The following HHIPL1 variants were observed in gnomAD, a reference collection of about 807,000 sequenced individuals.
The protein encoded by HHIPL1 is HHIP like 1.
In HHIPL1, 43 loss-of-function variants were observed where a neutral mutation model predicts 61.8. The ratio of observed to expected loss-of-function variants is 0.70; its 90% CI spans 0.55 to 0.90. HHIPL1 has a LOEUF of 0.90. HHIPL1 is among the 40% of genes least tolerant of loss of function. HHIPL1 has a pLI of 0.00. For synonymous variants in HHIPL1, 482 were observed against 515.8 expected (o/e 0.93, Z 0.89); for missense variants, 1,056 against 1,157.7 (o/e 0.91, Z 1.28).
At chr14:99,618,940 GA>G in the HHIPL1 span, among the ~76,000 whole-genome samples, 1 of 152,214 alleles carries the variant, frequency 6.6e-6, no homozygotes, top group East Asian at 1.9e-4. Flanking sequence ...AAGCCCTGCA[GA>G]AACATCGTGC....
Position 99,675,053 on chromosome 14 carries a change from C to A in HHIPL1, c.1814-38C>A. 9.0e-7 allele frequency: 1 copy of A among 1,107,426 alleles called. No individual in the cohort carries two copies. Among genetic ancestry groups the A allele is most frequent in the Non-Finnish European group, 1.1e-6 (1 of 893,480 alleles). 68.6% of individuals were successfully genotyped at this position (1,107,426 alleles called of 1,614,324 possible). On this transcript the variant is annotated intron_variant, in intron 8 of 8. Transcript: ENST00000330710. This position sits in a 1 kb window ranked among gnomAD's most constrained non-coding sequence, Gnocchi z 5.4. ...TGGGCAGCAGGGCTGGACAGGGGCG[C>A]CTGGGTCCCTCTGACGGCATACTCT...
the HHIPL1 span, chr14:99,625,424 T>C: frequency 6.6e-6 from 1 of 152,230 alleles, no homozygotes; most frequent in African/African-American, 2.4e-5. Flanking sequence ...AGAATACTAA[T>C]AATAGTTGTC....
At chr14:99,649,512 C>T (rs1481928876) in intron 1 of HHIPL1, among the ~76,000 whole-genome samples, 2 of 152,254 alleles carry the variant, frequency 1.3e-5, no homozygotes, top group South Asian at 2.1e-4. Context: ...GGAGTCAAGC[C>T]GTGTACGGTG....
chr14:99,608,463 A>G, the HHIPL1 span, among the ~76,000 whole-genome samples: 3 of 152,190 alleles, frequency 2.0e-5, no homozygotes, highest in African/African-American at 7.2e-5. Context: ...GTTTGCCTCC[A>G]AGAAGCTCAG....
At chr14:99,671,979 T>A (rs10145742) in intron 7 of HHIPL1, among the ~76,000 whole-genome samples, 1 of 152,142 alleles carries the variant, frequency 6.6e-6, no homozygotes, top group Non-Finnish European at 1.5e-5. Context: ...CGGCAGGCTG[T>A]GGGAGGAGAG....
intron 6 of HHIPL1, among the ~76,000 whole-genome samples, chr14:99,667,931 G>A (rs929606691): frequency 6.6e-6 from 1 of 152,180 alleles, no homozygotes. Flanking sequence ...GTGGCGCTGG[G>A]TCACCGGGAA....
chr14:99,607,988 T>A, the HHIPL1 span, among the ~76,000 whole-genome samples: 1 of 152,148 alleles, frequency 6.6e-6, no homozygotes, highest in East Asian at 1.9e-4. Flanking sequence ...AACACATCAT[T>A]GTGGGAGCAT....
At chr14:99,649,774 T>TGACAGTCTA (rs2055896923) in intron 1 of HHIPL1, among the ~76,000 whole-genome samples, 1 of 152,236 alleles carries the variant, frequency 6.6e-6, no homozygotes, top group Non-Finnish European at 1.5e-5. Flanking sequence ...CTAGCCTGGA[T>TGACAGTCTA]GACAGAGAGA....
At chr14:99,632,662 C>T in the HHIPL1 span, among the ~76,000 whole-genome samples, 2 of 152,172 alleles carry the variant, frequency 1.3e-5, no homozygotes, top group Non-Finnish European at 2.9e-5. Context: ...CAACTCTTCT[C>T]GGACTTGCTC....
At chr14:99,614,682 C>G in the HHIPL1 span, among the ~76,000 whole-genome samples, 3 of 152,172 alleles carry the variant, frequency 2.0e-5, no homozygotes, top group Non-Finnish European at 4.4e-5. Flanking sequence ...GTACACCCCT[C>G]CCCAAGCATC....
At chr14:99,624,360 C>G in the HHIPL1 span, among the ~76,000 whole-genome samples, 1 of 152,278 alleles carries the variant, frequency 6.6e-6, no homozygotes, top group South Asian at 2.1e-4. Flanking sequence ...GTGGATGGGT[C>G]AGCAGCAGCA....
chr14:99,622,554 T>C, the HHIPL1 span, among the ~76,000 whole-genome samples: 1 of 152,206 alleles, frequency 6.6e-6, no homozygotes, highest in Non-Finnish European at 1.5e-5. Flanking sequence ...GACATAGCTT[T>C]ATGAAATTTT....
chr14:99,678,814 A>T lies in HHIPL1; in HGVS notation c.*3188A>T, dbSNP rs1644532222. The T allele has an allele frequency of 6.6e-6, 1 of 152,290 alleles. No homozygotes were observed. The highest frequency in any genetic ancestry group is 1.5e-5 in the Non-Finnish European group (1 of 68,056). The allele number at this position is 152,290 out of a possible 1,614,324, so 9.4% of individuals were successfully genotyped here. On this transcript the variant is annotated 3_prime_UTR_variant, in exon 9 of 9. Transcript: ENST00000330710. ...AGTTACATAGAATAGGGCTTGACAA[A>T]GAGTTATTAGCATAAAGCAAGGAGG...
At position 99,679,995 on chromosome 14, in the gene HHIPL1, A is replaced by G. The variant is rs1371166522; in HGVS notation, c.*4369A>G. The G allele has an allele frequency of 6.6e-6, 1 of 152,132 alleles. No individual in the cohort carries two copies. 9.4% of individuals were successfully genotyped at this position (152,132 alleles called of 1,614,324 possible). ...ACTGAGCAGTTATTACATGCCAGCT[A>G]CCTCGGGTGTGTCAGCTCATTTAAT... is the stretch of plus-strand genomic sequence containing the variant. On this transcript the variant is annotated 3_prime_UTR_variant, in exon 9 of 9. Coordinates refer to ENST00000330710, the MANE Select transcript of HHIPL1 (RefSeq NM_001127258.3).
the HHIPL1 span, among the ~76,000 whole-genome samples, chr14:99,634,910 C>T: frequency 2.0e-5 from 3 of 152,150 alleles, no homozygotes; most frequent in Non-Finnish European, 2.9e-5. Flanking sequence ...TTCAAACACA[C>T]ACAGACTGGA....
the HHIPL1 span, among the ~76,000 whole-genome samples, chr14:99,607,279 A>C: frequency 6.6e-6 from 1 of 151,982 alleles, no homozygotes; most frequent in African/African-American, 2.4e-5. Context: ...TGCTCAAGCA[A>C]TCCAATTCTC....
chr14:99,660,495 C>T lies in HHIPL1; in HGVS notation c.1502+89C>T. 2 of 1,471,428 alleles carry T rather than the reference C, an allele frequency of 1.4e-6. No homozygotes were observed. The highest frequency in any genetic ancestry group is 9.3e-7 in the Non-Finnish European group (1 of 1,077,986). The allele number at this position is 1,471,428 out of a possible 1,614,324, so 91.1% of individuals were successfully genotyped here. ...GGTAAAGGGGAGTGTATGTGTGCGC[C>T]CGTTCCTGCACATGTGCCTCGCTGC... On this transcript the variant is annotated intron_variant, in intron 5 of 8. Coordinates refer to ENST00000330710, the MANE Select transcript of HHIPL1 (RefSeq NM_001127258.3). The surrounding 1 kb of genome is among the most constrained non-coding windows in gnomAD (Gnocchi z 4.9).
rs1367270749 is a variant in HHIPL1 at position 99,660,796 on chromosome 14, C to T, written c.1502+390C>T. ...CAGGGCCACCCTGCTCCTGGGGAAG[C>T]CACAGCTTGTCACTGCAACAGCTGA... On this transcript the variant is annotated intron_variant, in intron 5 of 8. Coordinates refer to ENST00000330710, the MANE Select transcript of HHIPL1 (RefSeq NM_001127258.3). The surrounding 1 kb of genome is among the most constrained non-coding windows in gnomAD (Gnocchi z 4.9). 2.0e-5 allele frequency among the ~76,000 whole-genome samples: 3 copies of T among 152,182 alleles called. No homozygotes were observed. The highest frequency in any genetic ancestry group is 7.2e-5 in the African/African-American group (3 of 41,432).
At chr14:99,650,083 C>T (rs1386809537) in intron 1 of HHIPL1, among the ~76,000 whole-genome samples, 2 of 152,246 alleles carry the variant, frequency 1.3e-5, no homozygotes, top group Middle Eastern at 3.2e-3. Context: ...CTTGGCCAGT[C>T]AGGTGAGACC....
Sources: gnomAD v4.1 joint callset for allele counts (sites outside exome capture counted in the v4.1 genomes callset) on GRCh38, gnomAD v4.1.1 for gene constraint, Gnocchi (gnomAD v3.1) non-coding constraint, MANE v1.5 for transcripts, NCBI Gene and HGNC (gene_info 2026-07-23, HGNC 2026-07-21) for gene names.